Variants in ZNF678 observed in about 807,000 individuals in gnomAD.
ZNF678 encodes the protein hypothetical protein MGC42493.
ZNF678 carries 5 observed loss-of-function variants against 3.0 expected under a neutral mutation model. The observed-to-expected ratio is 1.69, with a 90% CI of 0.88 to 3.56. The LOEUF (loss-of-function observed/expected upper bound fraction) is 3.56. Among genes scored for constraint, ZNF678 ranks in the 30% most tolerant of loss-of-function variants. The probability of loss-of-function intolerance (pLI) is 0.00; values close to 1 mark genes in which losing one functional copy is unlikely to be tolerated. For synonymous variants in ZNF678, 218 were observed against 199.6 expected, an observed-to-expected ratio of 1.09 and a Z score of -0.78; for missense variants, 593 against 605.0, an observed-to-expected ratio of 0.98 and a Z score of 0.21.
chr1:227,665,546 C>T (rs1444052539), downstream of ZNF678, among the ~76,000 whole-genome samples: 2 of 152,132 alleles, frequency 1.3e-5, no homozygotes, highest in Non-Finnish European at 2.9e-5. Flanking sequence ...TAAGGTTGTA[C>T]ACTTACCTGG....
intron 1 of ZNF678, among the ~76,000 whole-genome samples, chr1:227,579,533 A>G (rs1657069578): frequency 6.6e-6 from 1 of 152,172 alleles, no homozygotes; most frequent in African/African-American, 2.4e-5. Context: ...CTGCCCATAT[A>G]GACATGCACC....
intron 1 of ZNF678, among the ~76,000 whole-genome samples, chr1:227,589,323 A>G (rs1299153433): frequency 1.3e-5 from 2 of 151,716 alleles, no homozygotes; most frequent in African/African-American, 2.4e-5. Flanking sequence ...ATTTTTGTGT[A>G]TGGTATAAGG....
chr1:227,588,889 G>A (rs1245817744), intron 1 of ZNF678, among the ~76,000 whole-genome samples: 5 of 125,142 alleles, frequency 4.0e-5, no homozygotes, highest in Non-Finnish European at 8.0e-5. Context: ...CTCATGATCA[G>A]TGATGTTAAG....
At chr1:227,600,170 A>AT in intron 1 of ZNF678, among the ~76,000 whole-genome samples, 1 of 152,290 alleles carries the variant, frequency 6.6e-6, no homozygotes. Flanking sequence ...ATAGTATTAC[A>AT]TGGCATATAG....
At chr1:227,585,759 G>C (rs1657243383) in intron 1 of ZNF678, among the ~76,000 whole-genome samples, 1 of 150,472 alleles carries the variant, frequency 6.6e-6, no homozygotes, top group Non-Finnish European at 1.5e-5. Flanking sequence ...CCTGGTGACA[G>C]AGTGAGATTC....
chr1:227,635,901 A>G (rs1487817738), intron 1 of ZNF678, among the ~76,000 whole-genome samples: 1 of 152,044 alleles, frequency 6.6e-6, no homozygotes, highest in African/African-American at 2.4e-5. Flanking sequence ...ATTCCTGTCT[A>G]TTTGGTTATA....
chr1:227,674,910 A>G (rs939270820), intron 5 of ZNF678, among the ~76,000 whole-genome samples: 3 of 152,120 alleles, frequency 2.0e-5, no homozygotes, highest in African/African-American at 7.2e-5. Context: ...ATTTCTATCT[A>G]CAATTGAAAT....
chr1:227,637,093 G>A lies in ZNF678; in HGVS notation c.-163-9451G>A, dbSNP rs71648432. On this transcript the variant is annotated intron_variant, in intron 1 of 3. Transcript: ENST00000343776. ...TAGCCAGCATTCCAGTATCCTTGATGTAGGAAGGAGCTGCCATTTACAAAC... is the reference window on the plus strand; with the variant it reads ...TAGCCAGCATTCCAGTATCCTTGATATAGGAAGGAGCTGCCATTTACAAAC... Among the ~76,000 whole-genome samples the A allele has an allele frequency of 4.9e-3, 745 of 152,254 alleles. 3 individuals carry two copies. The highest frequency in any genetic ancestry group is 8.4e-3 in the Non-Finnish European group (569 of 68,018).
At chr1:227,564,383 T>G (rs545925529) in intron 1 of ZNF678, among the ~76,000 whole-genome samples, 1 of 152,342 alleles carries the variant, frequency 6.6e-6, no homozygotes, top group South Asian at 2.1e-4. Flanking sequence ...GAGCTATTAA[T>G]ATTCTTTTTC....
intron 1 of ZNF678, among the ~76,000 whole-genome samples, chr1:227,593,034 G>T (rs1329935850): frequency 6.6e-6 from 1 of 152,258 alleles, no homozygotes; most frequent in East Asian, 1.9e-4. Flanking sequence ...TGAACTTAGT[G>T]TTGGGAGACG....
intron 5 of ZNF678, among the ~76,000 whole-genome samples, chr1:227,674,307 G>A (rs1428415884): frequency 6.6e-6 from 1 of 152,182 alleles, no homozygotes; most frequent in Non-Finnish European, 1.5e-5. Context: ...GGTGGATTGA[G>A]CAAACACATC....
In ZNF678 at chr1:227,608,361, G is replaced by A. The variant is rs187051482; in HGVS notation, c.-163-38183G>A. ...AATTCAACAAAGCTATCTTAAAATA[G>A]GTAAATAAATACTCATTTGGGTCAT... On this transcript the variant is annotated intron_variant, in intron 1 of 3. Transcript: ENST00000343776. Among the ~76,000 whole-genome samples the A allele has an allele frequency of 1.8e-3, 267 of 151,806 alleles. 2 individuals carry two copies. The highest frequency in any genetic ancestry group is 3.1e-3 in the Non-Finnish European group (210 of 67,866).
chr1:227,593,466 T>G (rs1657471940), intron 1 of ZNF678, among the ~76,000 whole-genome samples: 1 of 152,186 alleles, frequency 6.6e-6, no homozygotes, highest in South Asian at 2.1e-4. Flanking sequence ...AGCTATGGCA[T>G]GAAAGCTCTA....
intron 1 of ZNF678, among the ~76,000 whole-genome samples, chr1:227,586,842 AGGT>A (rs1657275547): frequency 6.6e-6 from 1 of 152,170 alleles, no homozygotes; most frequent in Non-Finnish European, 1.5e-5. Flanking sequence ...TCCCTCATCA[AGGT>A]GGTGATCAGG....
intron 1 of ZNF678, among the ~76,000 whole-genome samples, chr1:227,621,716 C>A (rs1658284145): frequency 6.6e-6 from 1 of 152,174 alleles, no homozygotes; most frequent in Non-Finnish European, 1.5e-5. Flanking sequence ...TAATGCAATT[C>A]TAAGCCCCCC....
At chr1:227,650,510 T>G (rs1659064794) in intron 2 of ZNF678, among the ~76,000 whole-genome samples, 1 of 152,178 alleles carries the variant, frequency 6.6e-6, no homozygotes. Context: ...TTTATTCCAT[T>G]ATTTTAAAAA....
chr1:227,612,530 C>T (rs747758474), intron 1 of ZNF678, among the ~76,000 whole-genome samples: 14 of 152,114 alleles, frequency 9.2e-5, no homozygotes, highest in Non-Finnish European at 1.9e-4. Context: ...AAGATCCTGC[C>T]TCTCAATATG....
At chr1:227,603,918 C>G (rs1657799399) in intron 1 of ZNF678, among the ~76,000 whole-genome samples, 1 of 152,148 alleles carries the variant, frequency 6.6e-6, no homozygotes, top group Non-Finnish European at 1.5e-5. Context: ...CTGGACATGT[C>G]TTGTATAATT....
chr1:227,590,625 C>T (rs1444758499), intron 1 of ZNF678, among the ~76,000 whole-genome samples: 2 of 151,748 alleles, frequency 1.3e-5, no homozygotes, highest in Non-Finnish European at 2.9e-5. Context: ...GACAGGGAAG[C>T]CCAGGAGTTC....
Sources: gnomAD v4.1 joint callset for allele counts (sites outside exome capture counted in the v4.1 genomes callset) on GRCh38, gnomAD v4.1.1 for gene constraint, MANE v1.5 for transcripts, NCBI Gene and HGNC (gene_info 2026-07-23, HGNC 2026-07-21) for gene names.